The following LMOD1 variants were observed in gnomAD, a reference collection of about 807,000 sequenced individuals.
LMOD1 encodes leiomodin-1.
In LMOD1, 8 loss-of-function variants were observed where a neutral mutation model predicts 36.5. That is an observed-to-expected ratio of 0.22 (90% CI 0.13 to 0.40). The LOEUF (loss-of-function observed/expected upper bound fraction) is 0.40. Among genes scored for constraint, LMOD1 ranks in the 10% least tolerant of loss-of-function variants. The pLI, the probability that LMOD1 is intolerant of heterozygous loss-of-function variation, is 1.00. For missense variants in LMOD1, 630 were observed against 751.1 expected, an observed-to-expected ratio of 0.84 and a Z score of 1.88; for synonymous variants, 284 against 288.7, an observed-to-expected ratio of 0.98 and a Z score of 0.17.
chr1:201,915,268 C>G (rs1355867287), intron 1 of LMOD1, among the ~76,000 whole-genome samples: 2 of 152,020 alleles, frequency 1.3e-5, no homozygotes, highest in African/African-American at 4.8e-5. Flanking sequence ...TTGGCAAGGT[C>G]TTATTTTAGG....
At chr1:201,934,544 C>CA (rs963709260) in intron 1 of LMOD1, among the ~76,000 whole-genome samples, 21 of 152,182 alleles carry the variant, frequency 1.4e-4, no homozygotes, top group African/African-American at 4.6e-4. Context: ...CCTTGTCTTT[C>CA]AAAAATATCC....
In LMOD1 at chr1:201,900,538, C is replaced by T; in HGVS notation, c.475G>A (p.Asp159Asn). ...ACTGCAGCCCTGACCCGGCCCTTGTCAATGCCCCGGATGATCTTCTCCTCC... is the reference window on the plus strand; with the variant it reads ...ACTGCAGCCCTGACCCGGCCCTTGTTAATGCCCCGGATGATCTTCTCCTCC... ...PKEEKIIRGI[D>N]KGRVRAAVDK... Residue 159 changes from aspartate to asparagine, a missense_variant, in exon 2 of 3, where the codon GAC becomes AAC. Around this residue, in one of 3 missense-constraint regions of LMOD1, gnomAD observed 405 missense variants for 400.6 expected, o/e 1.01. Transcript: ENST00000367288. The T allele has an allele frequency of 6.2e-7, 1 of 1,613,896 alleles. No individual in the cohort carries two copies. Among genetic ancestry groups the T allele is most frequent in the Non-Finnish European group, 8.5e-7 (1 of 1,179,878 alleles).
chr1:201,930,872 G>C (rs141894234), intron 1 of LMOD1, among the ~76,000 whole-genome samples: 22 of 152,298 alleles, frequency 1.4e-4, no homozygotes, highest in African/African-American at 5.3e-4. Flanking sequence ...AGGGAAATGA[G>C]TGTTTAAAAG....
At chr1:201,936,164 G>A (rs1489755671) in intron 1 of LMOD1, among the ~76,000 whole-genome samples, 3 of 145,596 alleles carry the variant, frequency 2.1e-5, no homozygotes, top group Non-Finnish European at 3.0e-5. Context: ...TGATCACCCC[G>A]ACTCTTCTCT....
chr1:201,921,439 G>T (rs990879574), intron 1 of LMOD1, among the ~76,000 whole-genome samples: 3 of 138,554 alleles, frequency 2.2e-5, no homozygotes, highest in Admixed American at 1.6e-4. Flanking sequence ...AGTGAGCTGA[G>T]ATTGCACCAC....
rs1429556076 is a variant in LMOD1, at chr1:201,900,587, A to G, written c.426T>C (p.Gly142=). The change falls in exon 2 of 3, where the codon GGT becomes GGC. Residue 142 remains glycine (G), a synonymous_variant. Transcript: ENST00000367288. ...KSFSRDRDEA[G]GKSGEKPKEE... Reference sequence around the variant, plus strand: ...CCTTGGGCTTCTCGCCACTCTTGCCACCAGCTTCATCTCTGTCTCTAGAGA... The same window carrying G: ...CCTTGGGCTTCTCGCCACTCTTGCCGCCAGCTTCATCTCTGTCTCTAGAGA... 6.2e-7 allele frequency: 1 copy of G among 1,613,552 alleles called. No individual in the cohort carries two copies. The highest frequency in any genetic ancestry group is 8.5e-7 in the Non-Finnish European group (1 of 1,179,824).
At chr1:201,904,429 C>T (rs1472502578) in intron 1 of LMOD1, among the ~76,000 whole-genome samples, 2 of 152,168 alleles carry the variant, frequency 1.3e-5, no homozygotes, top group South Asian at 2.1e-4. Flanking sequence ...AGGCTGGTCC[C>T]GAACTCCTGA....
chr1:201,928,052 C>T (rs1234796145), intron 1 of LMOD1, among the ~76,000 whole-genome samples: 1 of 152,178 alleles, frequency 6.6e-6, no homozygotes, highest in African/African-American at 2.4e-5. Context: ...AACTTCCTGG[C>T]TCTCTTTGGC....
chr1:201,938,420 C>T (rs1240531333), intron 1 of LMOD1, among the ~76,000 whole-genome samples: 2 of 152,192 alleles, frequency 1.3e-5, no homozygotes, highest in Admixed American at 6.5e-5. Flanking sequence ...TGAGACACCG[C>T]GCCCGGCCGT....
At chr1:201,921,042 G>C (rs12046134) in intron 1 of LMOD1, among the ~76,000 whole-genome samples, 28,933 of 151,996 alleles carry the variant, frequency 0.19, 3,086 homozygotes, top group East Asian at 0.4. Flanking sequence ...AGGAGAAGTG[G>C]AGGATGACTC....
chr1:201,929,358 A>G (rs1681881222), intron 1 of LMOD1, among the ~76,000 whole-genome samples: 1 of 152,170 alleles, frequency 6.6e-6, no homozygotes, highest in South Asian at 2.1e-4. Flanking sequence ...CTGGGATTAC[A>G]GGCATGAGCC....
chr1:201,909,270 C>T (rs962692718), intron 1 of LMOD1, among the ~76,000 whole-genome samples: 31 of 152,220 alleles, frequency 2.0e-4, no homozygotes, highest in African/African-American at 6.5e-4. Context: ...GCGTAGCATG[C>T]AGCCCCCTGG....
chr1:201,936,447 G>A (rs188643479), intron 1 of LMOD1, among the ~76,000 whole-genome samples: 21 of 152,136 alleles, frequency 1.4e-4, no homozygotes, highest in Admixed American at 5.2e-4. Context: ...CCACATGATC[G>A]GAACCCTGCT....
chr1:201,914,246 C>T (rs1384697162), intron 1 of LMOD1, among the ~76,000 whole-genome samples: 1 of 152,220 alleles, frequency 6.6e-6, no homozygotes, highest in East Asian at 1.9e-4. Context: ...GAGTAGCCCA[C>T]ACCCCACGTG....
intron 1 of LMOD1, among the ~76,000 whole-genome samples, chr1:201,901,598 A>ATATATATATATATACATATATATATG (rs1681318528): frequency 1.1e-4 from 1 of 8,956 alleles, no homozygotes; most frequent in African/African-American, 2.7e-4. Flanking sequence ...ATATATATGT[A>ATATATATATATATACATATATATATG]TATATATATA....
chr1:201,909,793 C>A (rs1300808365), intron 1 of LMOD1, among the ~76,000 whole-genome samples: 1 of 152,208 alleles, frequency 6.6e-6, no homozygotes, highest in Non-Finnish European at 1.5e-5. Context: ...CTCTACAACG[C>A]ATCCCCATGT....
At chr1:201,918,657 A>G (rs746711007) in intron 1 of LMOD1, among the ~76,000 whole-genome samples, 32 of 151,790 alleles carry the variant, frequency 2.1e-4, no homozygotes, top group Non-Finnish European at 4.1e-4. Context: ...CCTGGCTAAC[A>G]CTTCTTCTTT....
chr1:201,916,489 T>TGAGCAACA (rs1201221365), intron 1 of LMOD1, among the ~76,000 whole-genome samples: 1 of 151,740 alleles, frequency 6.6e-6, no homozygotes, highest in African/African-American at 2.4e-5. Context: ...CACTCCAGCC[T>TGAGCAACA]GAGCAACAGA....
chr1:201,945,941 A>C (rs1682204046), intron 1 of LMOD1, 139 bp downstream of exon 1: 1 of 853,308 alleles, frequency 1.2e-6, no homozygotes, highest in Non-Finnish European at 1.9e-6. Flanking sequence ...AGTTCAGTGG[A>C]TAATCATCAG....
Sources: gnomAD v4.1 joint callset for allele counts (sites outside exome capture counted in the v4.1 genomes callset) on GRCh38, gnomAD v4.1.1 for gene constraint, gnomAD v4.1.1 regional missense constraint, MANE v1.5 for transcripts, NCBI Gene and HGNC (gene_info 2026-07-23, HGNC 2026-07-21) for gene names.